Variants in DMXL1 observed in about 807,000 individuals in gnomAD.
The protein encoded by DMXL1 is dmX-like protein 1.
In DMXL1, 99 loss-of-function variants were observed where a neutral mutation model predicts 319.2. The observed-to-expected ratio is 0.31, with a 90% CI of 0.26 to 0.37. The LOEUF is 0.37. Among genes scored for constraint, DMXL1 ranks in the 10% least tolerant of loss-of-function variants. The pLI, the probability that DMXL1 is intolerant of heterozygous loss-of-function variation, is 1.00. For synonymous variants in DMXL1, 1,385 were observed against 1,235.2 expected, an observed-to-expected ratio of 1.12 and a Z score of -2.54; for missense variants, 3,745 against 3,595.6, an observed-to-expected ratio of 1.04 and a Z score of -1.06.
At chr5:119,110,770 A>G (rs921348270) in intron 5 of DMXL1, among the ~76,000 whole-genome samples, 9 of 152,240 alleles carry the variant, frequency 5.9e-5, no homozygotes, top group Non-Finnish European at 1.0e-4. Context: ...AATGAATTCT[A>G]ATGCCACAGA....
chr5:119,216,972 G>A lies in DMXL1; in HGVS notation c.7998G>A (p.Ala2666=), dbSNP rs76342985. Residue 2666 remains alanine, a synonymous_variant, in exon 35 of 44, where the codon GCG becomes GCA. Coordinates refer to ENST00000539542, the MANE Select transcript of DMXL1 (RefSeq NM_001290321.3). ...ATAAGGAATCTGATATCATTACTGC[G>A]TTTGCTGTTAATAAGGTAAGTACAT... ...IIHKESDIIT[A]FAVNKANRNC... The A allele has an allele frequency of 0.015, 23,274 of 1,583,756 alleles. 241 individuals carry two copies. Among genetic ancestry groups the A allele is most frequent in the Middle Eastern group, 0.046 (275 of 6,004 alleles).
Position 119,238,834 on chromosome 5 carries a change from T to C in DMXL1, c.8560-155T>C, listed in dbSNP as rs566839557. On this transcript the variant is annotated intron_variant, in intron 40 of 43. Transcript: ENST00000539542. ...AAAAGGTATATGAAAGTTCTCTGTA[T>C]TACTTTTACAATTTTTCTAAAGTTC... 3.1e-6 allele frequency: 3 copies of C among 964,366 alleles called. No homozygotes were observed. The East Asian group carries it at 3.5e-4, about 111-fold the overall frequency. 59.7% of individuals were successfully genotyped at this position (964,366 alleles called of 1,614,324 possible).
In DMXL1 at chr5:119,244,388, G is replaced by T. The variant is rs1243104639; in HGVS notation, c.8734G>T (p.Val2912Phe). ...TACCTGCCATGACAGTGGAGCCACA[G>T]TTTTAGCATATGCTCCAAAACATCA... is the stretch of plus-strand genomic sequence containing the variant. The part of the protein sequence containing the change: ...AFTCHDSGAT[V>F]LAYAPKHQLL... Residue 2912 changes from valine to phenylalanine, a missense_variant, in exon 43 of 44, where the codon GTT becomes TTT. Physicochemically the swap from Val to Phe is conservative, Grantham distance 50. Coordinates refer to ENST00000539542, the MANE Select transcript of DMXL1 (RefSeq NM_001290321.3). 6.2e-7 allele frequency: 1 copy of T among 1,613,876 alleles called. No individual in the cohort carries two copies. The highest frequency in any genetic ancestry group is 1.7e-5 in the Admixed American group (1 of 60,002).
Position 119,105,176 on chromosome 5 carries a change from T to A in DMXL1, c.286-4T>A. The A allele has an allele frequency of 6.2e-7, 1 of 1,601,328 alleles. No individual in the cohort carries two copies. Among genetic ancestry groups the A allele is most frequent in the South Asian group, 1.1e-5 (1 of 90,702 alleles). ...ATGGGCTAAATGACTTTTCTTAATT[T>A]TAGGAATTATATAGTCAGTGGCAGA... On this transcript the variant is annotated splice_polypyrimidine_tract_variant and splice_region_variant and intron_variant, in intron 3 of 43. Coordinates refer to ENST00000539542, the MANE Select transcript of DMXL1 (RefSeq NM_001290321.3).
rs1471214016 is a variant in DMXL1, at chr5:119,167,617, A to G, written c.5151A>G (p.Lys1717=). ...TTTTTTTAAAGGTATGTCTTGAGAA[A>G]TTGAATGACATTCAGTTGGCTCTTG... ...LRDAIEVCLE[K]LNDIQLALVI... Residue 1717 remains lysine (K), a synonymous_variant, in exon 23 of 44, where the codon AAA becomes AAG. Coordinates refer to ENST00000539542, the MANE Select transcript of DMXL1 (RefSeq NM_001290321.3). 10 of 1,598,878 alleles carry G rather than the reference A, an allele frequency of 6.3e-6. No individual in the cohort carries two copies. The highest frequency in any genetic ancestry group is 8.5e-6 in the Non-Finnish European group (10 of 1,171,888).
chr5:119,164,659 C>T lies in DMXL1; in HGVS notation c.4855C>T (p.Arg1619Cys), dbSNP rs201096718. Residue 1619 changes from arginine (R) to cysteine (C), a missense_variant, in exon 20 of 44, where the codon CGC (arginine) becomes TGC (cysteine). Around this residue, in one of 4 missense-constraint regions of DMXL1, gnomAD observed 2,096 missense variants for 1,985.4 expected, o/e 1.06. Coordinates refer to ENST00000539542, the MANE Select transcript of DMXL1 (RefSeq NM_001290321.3). ...GTGGGTCCGGAATACCCGCATCTTACGCAAATGCATAGAAAAAGTAAGTGT... is the reference window on the plus strand; with the variant it reads ...GTGGGTCCGGAATACCCGCATCTTATGCAAATGCATAGAAAAAGTAAGTGT... Reference protein sequence around the residue: ...GWWVRNTRILRKCIEKVAKAA... With the variant: ...GWWVRNTRILCKCIEKVAKAA... 2.9e-5 allele frequency: 46 copies of T among 1,598,290 alleles called. No individual in the cohort carries two copies. The highest frequency in any genetic ancestry group is 3.5e-5 in the Non-Finnish European group (41 of 1,170,254).
At chr5:119,153,574 T>C (rs1770316102) in intron 19 of DMXL1, among the ~76,000 whole-genome samples, 1 of 152,252 alleles carries the variant, frequency 6.6e-6, no homozygotes. Context: ...AATGTCTCCC[T>C]TCTCATCCTG....
Position 119,167,708 on chromosome 5 carries a change from A to C in DMXL1, c.5242A>C (p.Lys1748Gln). 6.2e-7 allele frequency: 1 copy of C among 1,613,726 alleles called. No homozygotes were observed. The highest frequency in any genetic ancestry group is 8.5e-7 in the Non-Finnish European group (1 of 1,179,792). Residue 1748 changes from lysine (K) to glutamine (Q), a missense_variant, in exon 23 of 44, where the codon AAA becomes CAA. By Grantham distance (53) the Lys-to-Gln change is moderately conservative. Coordinates refer to ENST00000539542, the MANE Select transcript of DMXL1 (RefSeq NM_001290321.3). The part of the protein sequence containing the change: ...SAAYKSILRK[K>Q]VLGIDSPVSE... The stretch of plus-strand genomic sequence containing the variant: ...AGCATATAAATCTATTTTACGTAAA[A>C]AAGTTTTGGGAATCGATTCTCCTGT...
At chr5:119,184,059 C>CTTTTTTTTT (rs1404022848) in intron 28 of DMXL1, among the ~76,000 whole-genome samples, 1 of 140,414 alleles carries the variant, frequency 7.1e-6, no homozygotes, top group African/African-American at 2.8e-5. Flanking sequence ...GTTTTCTTCT[C>CTTTTTTTTT]TTTTTTTTTT....
chr5:119,089,626 C>CT (rs199623391), intron 1 of DMXL1, among the ~76,000 whole-genome samples: 67 of 127,336 alleles, frequency 5.3e-4, no homozygotes, highest in South Asian at 7.8e-4. Flanking sequence ...TTGGTACTGC[C>CT]TTTTTTTTTT....
Position 119,148,720 on chromosome 5 carries a change from C to A in DMXL1, c.2912-19C>A, listed in dbSNP as rs150671113. 1.9e-6 allele frequency: 3 copies of A among 1,584,786 alleles called. No homozygotes were observed. The highest frequency in any genetic ancestry group is 2.3e-5 in the South Asian group (2 of 86,404). ...TTAACCAAATTTGACATTTTGTTAACGGATTATTTTTATTTTAGGACATCT... is the reference window on the plus strand; with the variant it reads ...TTAACCAAATTTGACATTTTGTTAAAGGATTATTTTTATTTTAGGACATCT... On this transcript the variant is annotated intron_variant, in intron 17 of 43. Transcript: ENST00000539542.
chr5:119,192,993 T>C (rs1304034266), intron 29 of DMXL1, among the ~76,000 whole-genome samples: 2 of 152,214 alleles, frequency 1.3e-5, no homozygotes, highest in Non-Finnish European at 2.9e-5. Context: ...TTCTCCAAAA[T>C]ATATCTTAAA....
intron 13 of DMXL1, among the ~76,000 whole-genome samples, chr5:119,142,177 G>A (rs139732701): frequency 6.6e-4 from 101 of 152,128 alleles, no homozygotes; most frequent in African/African-American, 2.2e-3. Flanking sequence ...CAATCTAGGC[G>A]ATACCATTCT....
At chr5:119,130,467 C>T (rs563541149) in intron 10 of DMXL1, among the ~76,000 whole-genome samples, 6 of 152,118 alleles carry the variant, frequency 3.9e-5, no homozygotes, top group South Asian at 2.1e-4. Flanking sequence ...CTCAGCCTCC[C>T]GAGTAGCTAG....
At position 119,193,710 on chromosome 5, in the gene DMXL1, C is replaced by G. The variant is rs1350431368; in HGVS notation, c.7315-118C>G. Reference sequence around the variant, plus strand: ...GCATAGGATGGTAAGATAATAGTTACTTAACTCTCTTATAATGAAGTATCT... The same window carrying G: ...GCATAGGATGGTAAGATAATAGTTAGTTAACTCTCTTATAATGAAGTATCT... On this transcript the variant is annotated intron_variant, in intron 29 of 43. Transcript: ENST00000539542. The G allele has an allele frequency of 4.0e-6, 4 of 988,486 alleles. No homozygotes were observed. In the African/African-American group the frequency reaches 6.7e-5, roughly 16 times the overall value. The allele number at this position is 988,486 out of a possible 1,614,324, so 61.2% of individuals were successfully genotyped here.
At chr5:119,123,086 T>C (rs921312142) in intron 9 of DMXL1, among the ~76,000 whole-genome samples, 4 of 152,066 alleles carry the variant, frequency 2.6e-5, no homozygotes, top group Middle Eastern at 6.8e-3. Context: ...GGATCACTCG[T>C]GGTTAGGAGC....
Position 119,170,522 on chromosome 5 carries a change from A to T in DMXL1, c.5731A>T (p.Lys1911Ter), listed in dbSNP as rs753115661. 6.2e-7 allele frequency: 1 copy of T among 1,613,648 alleles called. No homozygotes were observed. The highest frequency in any genetic ancestry group is 8.5e-7 in the Non-Finnish European group (1 of 1,179,780). ...SKDCSPSSPL[K>*]LDAREDKSSA... ...AGACTGTTCTCCTTCTTCTCCATTA[A>T]AGTTGGATGCAAGGGAAGATAAGTC... The change falls in exon 24 of 44, where the codon AAG becomes TAG. Residue 1911 changes from lysine (K) to a stop codon, truncating the protein, a stop_gained. Transcript: ENST00000539542. LOFTEE classifies it high-confidence loss of function.
At chr5:119,237,756 G>T (rs1488754415) in intron 40 of DMXL1, among the ~76,000 whole-genome samples, 1 of 151,926 alleles carries the variant, frequency 6.6e-6, no homozygotes, top group African/African-American at 2.4e-5. Context: ...AATGCGTCTG[G>T]TTATTTTTCT....
At chr5:119,124,952 T>A (rs1226256846) in intron 9 of DMXL1, among the ~76,000 whole-genome samples, 2 of 152,218 alleles carry the variant, frequency 1.3e-5, no homozygotes, top group African/African-American at 4.8e-5. Flanking sequence ...TTAACAGAGC[T>A]ACAAATTATA....
Sources: gnomAD v4.1 joint callset for allele counts (sites outside exome capture counted in the v4.1 genomes callset) on GRCh38, gnomAD v4.1.1 for gene constraint, gnomAD v4.1.1 regional missense constraint, MANE v1.5 for transcripts, NCBI Gene and HGNC (gene_info 2026-07-23, HGNC 2026-07-21) for gene names.